KLHL20: variants seen among roughly 807,000 people sequenced by gnomAD.
KLHL20 encodes the protein kelch-like protein 20.
Under a neutral mutation model 69.5 loss-of-function variants are expected in KLHL20, and 29 were observed. The observed-to-expected ratio is 0.42, with a 90% confidence interval of 0.31 to 0.57. The LOEUF is 0.57. Ranked by LOEUF, KLHL20 falls within the 20% of genes least tolerant of loss-of-function variation. KLHL20 has a pLI of 0.18. For missense variants in KLHL20, 419 were observed against 776.0 expected (o/e 0.54, Z 5.47); for synonymous variants, 253 against 265.2 (o/e 0.95, Z 0.45).
intron 7 of KLHL20, among the ~76,000 whole-genome samples, chr1:173,757,668 A>C (rs972552747): frequency 6.6e-6 from 1 of 151,404 alleles, no homozygotes; most frequent in Admixed American, 6.6e-5. Context: ...CCTTCTCAAA[A>C]AAAAAAAAAA....
intron 3 of KLHL20, among the ~76,000 whole-genome samples, chr1:173,737,922 A>G (rs910145612): frequency 1.3e-5 from 2 of 150,902 alleles, no homozygotes; most frequent in Non-Finnish European, 3.0e-5. Context: ...TCACTTCTGT[A>G]GTGAGATATA....
intron 8 of KLHL20, among the ~76,000 whole-genome samples, chr1:173,769,608 C>T (rs554889524): frequency 2.2e-4 from 33 of 151,818 alleles, no homozygotes; most frequent in African/African-American, 7.0e-4. Flanking sequence ...GGCAACATAG[C>T]GAGACGTTGT....
At chr1:173,761,070 G>A (rs890283140) in intron 7 of KLHL20, among the ~76,000 whole-genome samples, 2 of 152,152 alleles carry the variant, frequency 1.3e-5, no homozygotes, top group East Asian at 1.9e-4. Context: ...CACCAAAAGC[G>A]AGCAGGGGTA....
At chr1:173,735,542 CA>C (rs1029568983) in intron 3 of KLHL20, among the ~76,000 whole-genome samples, 77 of 152,016 alleles carry the variant, frequency 5.1e-4, no homozygotes, top group African/African-American at 1.8e-3. Flanking sequence ...GTCTGTTTTA[CA>C]ACTTTTTAAA....
At chr1:173,763,322 A>G (rs369838222) in intron 7 of KLHL20, among the ~76,000 whole-genome samples, 49 of 152,298 alleles carry the variant, frequency 3.2e-4, no homozygotes, top group African/African-American at 1.1e-3. Context: ...AAAGCAATCT[A>G]CAAATTCAAT....
intron 8 of KLHL20, among the ~76,000 whole-genome samples, chr1:173,768,305 C>T (rs921875677): frequency 6.6e-6 from 1 of 151,920 alleles, no homozygotes; most frequent in South Asian, 2.1e-4. Context: ...GTCAGCTTTT[C>T]GTCATTAGAT....
chr1:173,735,884 G>A (rs1489292280), intron 3 of KLHL20, among the ~76,000 whole-genome samples: 4 of 146,038 alleles, frequency 2.7e-5, no homozygotes, highest in African/African-American at 5.0e-5. Flanking sequence ...ACATCACTTA[G>A]AATAATGGTC....
chr1:173,769,754 C>T (rs1164320011), intron 8 of KLHL20, among the ~76,000 whole-genome samples: 2 of 135,370 alleles, frequency 1.5e-5, no homozygotes, highest in East Asian at 4.2e-4. Flanking sequence ...GCACTCTAGC[C>T]AGGGTAATAG....
At chr1:173,736,839 G>C (rs1346610694) in intron 3 of KLHL20, among the ~76,000 whole-genome samples, 1 of 151,976 alleles carries the variant, frequency 6.6e-6, no homozygotes, top group African/African-American at 2.4e-5. Context: ...CAGGTGATCT[G>C]CCCGCCTTGG....
At chr1:173,726,490 G>A (rs1476786022) in intron 2 of KLHL20, among the ~76,000 whole-genome samples, 1 of 152,140 alleles carries the variant, frequency 6.6e-6, no homozygotes, top group East Asian at 1.9e-4. Flanking sequence ...TTAACTGGGA[G>A]GCACCCCCCA....
At chr1:173,756,938 G>A (rs1673576179) in intron 6 of KLHL20, 38 bp from the exon 7 acceptor site, 1 of 1,592,488 alleles carries the variant, frequency 6.3e-7, no homozygotes. Context: ...TTATGCTTCA[G>A]GATAGGATTC....
At chr1:173,735,362 C>T (rs1439975225) in intron 3 of KLHL20, among the ~76,000 whole-genome samples, 4 of 151,600 alleles carry the variant, frequency 2.6e-5, no homozygotes, top group Non-Finnish European at 5.9e-5. Flanking sequence ...GGGAGGATGG[C>T]TTGAGCCCAG....
chr1:173,757,255 G>C, intron 7 of KLHL20, 96 bp downstream of exon 7: 1 of 1,192,514 alleles, frequency 8.4e-7, no homozygotes, highest in Non-Finnish European at 1.2e-6. Context: ...CTTTAGTATT[G>C]CATCTGTGGC....
chr1:173,740,723 T>C (rs920580644), intron 3 of KLHL20, among the ~76,000 whole-genome samples: 1 of 152,084 alleles, frequency 6.6e-6, no homozygotes, highest in African/African-American at 2.4e-5. Flanking sequence ...TGGAGTTGAT[T>C]TCTCCCCGCC....
intron 2 of KLHL20, among the ~76,000 whole-genome samples, chr1:173,729,813 C>G (rs1174261738): frequency 6.6e-6 from 1 of 152,164 alleles, no homozygotes; most frequent in Non-Finnish European, 1.5e-5. Flanking sequence ...TGGCACAAGA[C>G]AGGGATGCCC....
At chr1:173,778,931 GT>G (rs1003754169) in intron 10 of KLHL20, among the ~76,000 whole-genome samples, 2 of 150,884 alleles carry the variant, frequency 1.3e-5, no homozygotes, top group Non-Finnish European at 3.0e-5. Context: ...GATCTTTTGT[GT>G]TTTTTTCACT....
intron 10 of KLHL20, 57 bp from the exon 11 acceptor site, chr1:173,782,067 T>C: frequency 8.3e-7 from 1 of 1,207,422 alleles, no homozygotes; most frequent in Non-Finnish European, 1.2e-6. Context: ...AACCAGTCTA[T>C]AATTTCCTTA....
At chr1:173,730,440 G>A (rs1672210754) in intron 2 of KLHL20, among the ~76,000 whole-genome samples, 2 of 151,800 alleles carry the variant, frequency 1.3e-5, no homozygotes, top group Admixed American at 6.6e-5. Flanking sequence ...GAACAAAGCT[G>A]GAGGCATCAT....
At chr1:173,741,450 A>G (rs1338800972) in intron 3 of KLHL20, among the ~76,000 whole-genome samples, 1 of 152,242 alleles carries the variant, frequency 6.6e-6, no homozygotes, top group African/African-American at 2.4e-5. Flanking sequence ...TTACACAATG[A>G]TATGGAGCAA....
Sources: allele counts gnomAD v4.1 joint callset (sites outside exome capture counted in the v4.1 genomes callset), GRCh38; gene constraint gnomAD v4.1.1; transcripts MANE v1.5; gene names NCBI Gene and HGNC (gene_info 2026-07-23, HGNC 2026-07-21).